The following TMPRSS7 variants were observed in gnomAD, a reference collection of about 807,000 sequenced individuals.
TMPRSS7 encodes the protein transmembrane protease serine 7.
TMPRSS7 carries 81 observed loss-of-function variants against 95.6 expected under a neutral mutation model. The ratio of observed to expected loss-of-function variants is 0.85; its 90% CI spans 0.71 to 1.02. The LOEUF (loss-of-function observed/expected upper bound fraction) is 1.02. TMPRSS7 is among the 50% of genes least tolerant of loss of function. The pLI is 0.00. For missense variants in TMPRSS7, 945 were observed against 955.2 expected (o/e 0.99, Z 0.14); for synonymous variants, 364 against 337.8 (o/e 1.08, Z -0.85).
intron 9 of TMPRSS7, 84 bp from the exon 10 acceptor site, chr3:112,056,941 G>C: frequency 1.1e-6 from 1 of 923,792 alleles, no homozygotes; most frequent in Non-Finnish European, 1.7e-6. Flanking sequence ...AAGTAGAATG[G>C]CCTTAAAACA....
chr3:112,047,623 C>G, intron 6 of TMPRSS7, 116 bp from the exon 7 acceptor site: 2 of 762,186 alleles, frequency 2.6e-6, no homozygotes, highest in Non-Finnish European at 4.3e-6. Flanking sequence ...CCTAGGCTGG[C>G]CATATGTCCT....
intron 10 of TMPRSS7, among the ~76,000 whole-genome samples, 174 bp downstream of exon 10, chr3:112,057,305 A>G (rs1445981299): frequency 6.6e-6 from 1 of 152,218 alleles, no homozygotes; most frequent in Non-Finnish European, 1.5e-5. Context: ...TGGAGGCAGG[A>G]TTCAAACCCA....
At chr3:112,059,378 C>T (rs2073472810) in intron 10 of TMPRSS7, among the ~76,000 whole-genome samples, 1 of 152,154 alleles carries the variant, frequency 6.6e-6, no homozygotes. Flanking sequence ...AGTTTTAAAA[C>T]TCATTTCACA....
rs1190184775 is a variant in TMPRSS7 at position 112,041,112 on chromosome 3, GATAAAA to G, written c.299-800_299-795del. The stretch of plus-strand genomic sequence containing the variant: ...AAAAAAATCTAGGACGCACTTCCCT[GATAAAA>G]ATAAAAAAACCAAAAACCAAAAAAC... On this transcript the variant is annotated intron_variant, in intron 2 of 17. Coordinates refer to ENST00000452346, the Ensembl canonical transcript of TMPRSS7. 2.0e-5 allele frequency among the ~76,000 whole-genome samples: 3 copies of G among 150,630 alleles called. No individual in the cohort carries two copies. The East Asian group carries it at 5.8e-4, about 29-fold the overall frequency.
At chr3:112,051,931 A>G (rs1462727196) in intron 9 of TMPRSS7, among the ~76,000 whole-genome samples, 2 of 152,140 alleles carry the variant, frequency 1.3e-5, no homozygotes. Flanking sequence ...TTTATTCAAC[A>G]TATTATTGAA....
At chr3:112,038,886 T>C (rs1488491152) in intron 2 of TMPRSS7, among the ~76,000 whole-genome samples, 2 of 152,094 alleles carry the variant, frequency 1.3e-5, no homozygotes, top group Admixed American at 6.5e-5. Flanking sequence ...GAGGAGGAGA[T>C]TGGGGATAGG....
chr3:112,078,416 A>G (rs1408716266), intron 16 of TMPRSS7, among the ~76,000 whole-genome samples: 1 of 152,326 alleles, frequency 6.6e-6, no homozygotes, highest in East Asian at 1.9e-4. Context: ...AATAGTAGAT[A>G]TTAGTAATAA....
chr3:112,039,978 A>C (rs927194566), intron 2 of TMPRSS7, among the ~76,000 whole-genome samples: 1 of 152,054 alleles, frequency 6.6e-6, no homozygotes, highest in Non-Finnish European at 1.5e-5. Context: ...ATTGAATTGA[A>C]TCATTGGACA....
intron 12 of TMPRSS7, among the ~76,000 whole-genome samples, chr3:112,065,746 T>A (rs957796431): frequency 6.6e-6 from 1 of 152,236 alleles, no homozygotes; most frequent in Non-Finnish European, 1.5e-5. Flanking sequence ...TAAGGAATCA[T>A]ACTTTCTAAA....
chr3:112,063,484 T>C, intron 11 of TMPRSS7, 41 bp from the exon 12 acceptor site: 1 of 1,490,730 alleles, frequency 6.7e-7, no homozygotes, highest in African/African-American at 1.4e-5. Flanking sequence ...TTCAGGGATC[T>C]ATCCAAGATT....
intron 13 of TMPRSS7, among the ~76,000 whole-genome samples, chr3:112,067,397 A>G (rs886467583): frequency 1.3e-5 from 2 of 152,234 alleles, no homozygotes; most frequent in Non-Finnish European, 2.9e-5. Context: ...TCCTTGAGGA[A>G]TTGCCACACT....
chr3:112,038,692 G>T (rs528669028), intron 2 of TMPRSS7, among the ~76,000 whole-genome samples: 15 of 152,288 alleles, frequency 9.8e-5, no homozygotes, highest in African/African-American at 3.6e-4. Flanking sequence ...ATGATGCCCA[G>T]GCTGGTCCCA....
intron 3 of TMPRSS7, among the ~76,000 whole-genome samples, 151 bp downstream of exon 3, chr3:112,042,201 G>T (rs1476168249): frequency 6.6e-6 from 1 of 152,014 alleles, no homozygotes; most frequent in African/African-American, 2.4e-5. Flanking sequence ...AAGAAAACAT[G>T]AAATCTAGCA....
At chr3:112,050,720 A>G in exon 9 of TMPRSS7, 1 of 1,604,994 alleles carries the variant, frequency 6.2e-7, no homozygotes, top group Non-Finnish European at 8.5e-7. Context: ...TTGAAGGGAA[A>G]ATTTCAAGCC....
chr3:112,041,022 G>A (rs574930117), intron 2 of TMPRSS7, among the ~76,000 whole-genome samples: 1 of 151,270 alleles, frequency 6.6e-6, no homozygotes, highest in Non-Finnish European at 1.5e-5. Flanking sequence ...TGAGAAGGAT[G>A]CGTGAGCTTC....
intron 16 of TMPRSS7, among the ~76,000 whole-genome samples, chr3:112,078,025 A>C (rs2073734350): frequency 6.6e-6 from 1 of 152,192 alleles, no homozygotes; most frequent in South Asian, 2.1e-4. Context: ...AAGTGTGGGC[A>C]ACTTCTCAAA....
chr3:112,067,585 G>T (rs1481074948), intron 13 of TMPRSS7, among the ~76,000 whole-genome samples: 1 of 152,210 alleles, frequency 6.6e-6, no homozygotes, highest in East Asian at 1.9e-4. Context: ...GACCAGTGAT[G>T]ATGAGCATTT....
intron 17 of TMPRSS7, 36 bp from the exon 18 acceptor site, chr3:112,080,878 C>T: frequency 6.3e-7 from 1 of 1,577,968 alleles, no homozygotes; most frequent in Admixed American, 1.8e-5. Flanking sequence ...ATCATGGGAC[C>T]AATTTACTTT....
At chr3:112,072,145 T>C (rs2073656343) in intron 13 of TMPRSS7, among the ~76,000 whole-genome samples, 1 of 152,102 alleles carries the variant, frequency 6.6e-6, no homozygotes, top group Admixed American at 6.5e-5. Flanking sequence ...TAGATGTCCC[T>C]TTTGTTGATG....
Sources: gnomAD v4.1 joint callset for allele counts (sites outside exome capture counted in the v4.1 genomes callset) on GRCh38, gnomAD v4.1.1 for gene constraint, MANE v1.5 for transcripts, NCBI Gene and HGNC (gene_info 2026-07-23, HGNC 2026-07-21) for gene names.